TRAP1: variants seen among roughly 807,000 people sequenced by gnomAD.
TRAP1 encodes heat shock protein 75 kDa, mitochondrial.
TRAP1 carries 102 observed loss-of-function variants against 89.1 expected under a neutral mutation model. The ratio of observed to expected loss-of-function variants is 1.15; its 90% CI spans 0.98 to 1.35. TRAP1 has a LOEUF of 1.35. TRAP1 is among the 40% of genes most tolerant of loss of function. The pLI, the probability that TRAP1 is intolerant of heterozygous loss-of-function variation, is 0.00. For synonymous variants in TRAP1, 508 were observed against 388.0 expected (o/e 1.31, Z -3.64); for missense variants, 1,256 against 945.3 (o/e 1.33, Z -4.31).
intron 10 of TRAP1, among the ~76,000 whole-genome samples, 199 bp from the exon 11 acceptor site, chr16:3,671,990 C>T (rs1196823774): frequency 6.6e-6 from 1 of 152,188 alleles, no homozygotes; most frequent in Non-Finnish European, 1.5e-5. Context: ...TGTGGGTGGC[C>T]GGGACAGCCT....
At chr16:3,666,254 G>GA in intron 11 of TRAP1, 136 bp from the exon 12 acceptor site, 1 of 1,138,212 alleles carries the variant, frequency 8.8e-7, no homozygotes, top group South Asian at 1.6e-5. Flanking sequence ...TGGCCAAACT[G>GA]AAAAAGACTG....
At chr16:3,671,691 C>G in intron 11 of TRAP1, 31 bp downstream of exon 11, 2 of 1,608,048 alleles carry the variant, frequency 1.2e-6, no homozygotes, top group Non-Finnish European at 1.7e-6. Context: ...TTGTCCCCAG[C>G]AGGGTCCTCT....
At chr16:3,698,699 GAGTTTGAA>G (rs2051324351) in intron 1 of TRAP1, among the ~76,000 whole-genome samples, 1 of 151,972 alleles carries the variant, frequency 6.6e-6, no homozygotes, top group Non-Finnish European at 1.5e-5. Context: ...TTCAGCTCAG[GAGTTTGAA>G]ATTAGCCTGG....
intron 3 of TRAP1, among the ~76,000 whole-genome samples, chr16:3,686,464 T>C (rs2051139868): frequency 6.6e-6 from 1 of 152,252 alleles, no homozygotes; most frequent in East Asian, 1.9e-4. Context: ...CCCACAGGCA[T>C]GCACCACACC....
In TRAP1 at chr16:3,692,557, T is replaced by C. The variant is rs868346828; in HGVS notation, c.89-1572A>G. Among the ~76,000 whole-genome samples, 27 of 147,628 alleles carry C rather than the reference T, an allele frequency of 1.8e-4. 2 individuals carry two copies. The highest frequency in any genetic ancestry group is 6.7e-4 in the African/African-American group (27 of 40,264). ...TCTCAAAAAAAAAAAAAAATTAACATATCAACTTTCATACTCCTAAAAGGT... is the reference window on the plus strand; with the variant it reads ...TCTCAAAAAAAAAAAAAAATTAACACATCAACTTTCATACTCCTAAAAGGT... On this transcript the variant is annotated intron_variant, in intron 1 of 17. Transcript: ENST00000246957.
intron 1 of TRAP1, among the ~76,000 whole-genome samples, chr16:3,712,115 C>T (rs2151286185): frequency 6.6e-6 from 1 of 151,748 alleles, no homozygotes; most frequent in East Asian, 1.9e-4. Context: ...ACGGTGAAAC[C>T]TCGTCTCTAC....
rs931208767 is a variant in TRAP1, at chr16:3,683,231, G to A, written c.471+2765C>T. Among the ~76,000 whole-genome samples the A allele has an allele frequency of 9.2e-5, 14 of 152,178 alleles. No homozygotes were observed. The South Asian group carries it at 2.7e-3, about 29-fold the overall frequency. On this transcript the variant is annotated intron_variant, in intron 4 of 17. Transcript: ENST00000246957. ...AAGTCTGAGAAACTGTCACAGCCAA[G>A]AGGAGCTAAGGGGCCAGGACAACTA...
At position 3,695,521 on chromosome 16, in the gene TRAP1, G is replaced by A. The variant is rs1021280397; in HGVS notation, c.89-4536C>T. On this transcript the variant is annotated intron_variant, in intron 1 of 17. Transcript: ENST00000246957. Reference sequence around the variant, plus strand: ...ACTGTACTCCAGACTTGGCGACAGAGTGAGACTCTGTCTCGAAAAAAAAAA... The same window carrying A: ...ACTGTACTCCAGACTTGGCGACAGAATGAGACTCTGTCTCGAAAAAAAAAA... Among the ~76,000 whole-genome samples, 3 of 146,478 alleles carry A rather than the reference G, an allele frequency of 2.0e-5. No homozygotes were observed. In the Admixed American group the frequency reaches 2.1e-4, roughly 10 times the overall value.
At chr16:3,695,279 G>C (rs1188666906) in intron 1 of TRAP1, among the ~76,000 whole-genome samples, 1 of 152,144 alleles carries the variant, frequency 6.6e-6, no homozygotes, top group Admixed American at 6.6e-5. Context: ...AGCGGGAAGG[G>C]GAGAGGGCTG....
Position 3,664,379 on chromosome 16 carries a change from G to A in TRAP1, c.1464C>T (p.Ser488=), listed in dbSNP as rs1468399023. 2 of 1,612,722 alleles carry A rather than the reference G, an allele frequency of 1.2e-6. No individual in the cohort carries two copies. Among genetic ancestry groups the A allele is most frequent in the Non-Finnish European group, 1.7e-6 (2 of 1,179,570 alleles). ...GQLTSLSEYA[S]RMRAGTRNIY... is the part of the protein sequence containing the mutation. ...TGTTGCGGGTGCCGGCCCGCATGCGGCTGGCGTATTCTGAGAGGCTGGTTA... is the reference window on the plus strand; with the variant it reads ...TGTTGCGGGTGCCGGCCCGCATGCGACTGGCGTATTCTGAGAGGCTGGTTA... Residue 488 remains serine (S), a synonymous_variant, in exon 13 of 18, where the codon AGC becomes AGT. Coordinates refer to ENST00000246957, the MANE Select transcript of TRAP1 (RefSeq NM_016292.3).
intron 8 of TRAP1, chr16:3,674,744 G>A: frequency 1.8e-6 from 1 of 543,954 alleles, no homozygotes; most frequent in South Asian, 2.1e-5. Context: ...GGGACCTGAG[G>A]GGGCCTGTGG....
intron 1 of TRAP1, chr16:3,710,409 T>G (rs2051513052): frequency 6.6e-6 from 1 of 152,170 alleles, no homozygotes; most frequent in African/African-American, 2.4e-5. Context: ...GTGGGGACAC[T>G]TCATAGACGA....
At chr16:3,695,536 GAA>G (rs567047394) in intron 1 of TRAP1, among the ~76,000 whole-genome samples, 7 of 74,678 alleles carry the variant, frequency 9.4e-5, no homozygotes, top group Non-Finnish European at 1.4e-4. Flanking sequence ...ACTCTGTCTC[GAA>G]AAAAAAAAAA....
At chr16:3,675,478 G>A (rs1218580879) in intron 7 of TRAP1, 81 bp from the exon 8 acceptor site, 30 of 1,399,730 alleles carry the variant, frequency 2.1e-5, no homozygotes, top group Middle Eastern at 3.7e-4. Context: ...CAGGATGAGC[G>A]CCAGCCTGCT....
At chr16:3,693,796 C>T (rs941025061) in intron 1 of TRAP1, among the ~76,000 whole-genome samples, 4 of 151,988 alleles carry the variant, frequency 2.6e-5, no homozygotes, top group Admixed American at 1.3e-4. Flanking sequence ...GGTTTAAGAC[C>T]AGCCTGGGCA....
intron 11 of TRAP1, among the ~76,000 whole-genome samples, chr16:3,670,460 G>A (rs1432624995): frequency 6.6e-6 from 1 of 150,508 alleles, no homozygotes; most frequent in East Asian, 2.0e-4. Flanking sequence ...CAGCACTTTG[G>A]GAGGCTGAGG....
intron 4 of TRAP1, among the ~76,000 whole-genome samples, chr16:3,680,543 A>G (rs1343398924): frequency 6.6e-6 from 1 of 152,020 alleles, no homozygotes; most frequent in East Asian, 1.9e-4. Flanking sequence ...CGCGGCACCT[A>G]CTCCCACCCT....
intron 1 of TRAP1, among the ~76,000 whole-genome samples, chr16:3,705,787 C>A (rs927843295): frequency 2.0e-5 from 3 of 152,058 alleles, no homozygotes; most frequent in Admixed American, 6.6e-5. Context: ...TCAAGTGATT[C>A]TCCTGCCTCA....
rs376064675 is a variant in TRAP1, at chr16:3,658,172, C to G, written c.2072G>C (p.Gly691Ala). Reference sequence around the variant, plus strand: ...CTTGACAAGCAGCTCATTCAAGCGGCCCACCATGGCCCTAGGGTCGTCAAC... The same window carrying G: ...CTTGACAAGCAGCTCATTCAAGCGGGCCACCATGGCCCTAGGGTCGTCAAC... ...GLVDDPRAMVGRLNELLVKAL... is the reference protein window; with the variant it reads ...GLVDDPRAMVARLNELLVKAL... Residue 691 changes from glycine (G) to alanine (A), a missense_variant, in exon 18 of 18, where the codon GGC (glycine) becomes GCC (alanine). Physicochemically the swap from Gly to Ala is moderately conservative, Grantham distance 60. Transcript: ENST00000246957. 4.3e-6 allele frequency: 7 copies of G among 1,614,082 alleles called. No individual in the cohort carries two copies. Among genetic ancestry groups the G allele is most frequent in the Non-Finnish European group, 8.5e-7 (1 of 1,179,992 alleles).
Sources: gnomAD v4.1 joint callset for allele counts (sites outside exome capture counted in the v4.1 genomes callset) on GRCh38, gnomAD v4.1.1 for gene constraint, MANE v1.5 for transcripts, NCBI Gene and HGNC (gene_info 2026-07-23, HGNC 2026-07-21) for gene names.